ZMYND8: variants seen among roughly 807,000 people sequenced by gnomAD.
ZMYND8 encodes zinc finger MYND-type containing 8.
A neutral mutation model predicts 140.8 loss-of-function variants in ZMYND8; 37 were observed. The observed-to-expected ratio is 0.26, with a 90% CI of 0.20 to 0.35. ZMYND8 has a LOEUF of 0.35. Among genes scored for constraint, ZMYND8 ranks in the 10% least tolerant of loss-of-function variants. The probability of loss-of-function intolerance (pLI) is 1.00; values close to 1 mark genes in which losing one functional copy is unlikely to be tolerated. For synonymous variants in ZMYND8, 592 were observed against 597.1 expected, an observed-to-expected ratio of 0.99 and a Z score of 0.12; for missense variants, 1,068 against 1,570.0, an observed-to-expected ratio of 0.68 and a Z score of 5.40.
chr20:47,229,087 C>G (rs2147052705), intron 17 of ZMYND8, among the ~76,000 whole-genome samples: 1 of 151,768 alleles, frequency 6.6e-6, no homozygotes, highest in South Asian at 2.1e-4. Context: ...CCTCAAACTC[C>G]TGGGCTCAGG....
In ZMYND8 at chr20:47,301,803, T is replaced by C. The variant is rs2078067282; in HGVS notation, c.235-2856A>G. 2.6e-5 allele frequency among the ~76,000 whole-genome samples: 4 copies of C among 152,296 alleles called. No homozygotes were observed. The South Asian group carries it at 6.2e-4, about 24-fold the overall frequency. On this transcript the variant is annotated intron_variant, in intron 3 of 22. Transcript: ENST00000471951. ...TAAGGTATGTGATATGGTTTGGCTGTGTCCCCACCCAAATCTCATCTTGAA... is the reference window on the plus strand; with the variant it reads ...TAAGGTATGTGATATGGTTTGGCTGCGTCCCCACCCAAATCTCATCTTGAA...
chr20:47,246,607 G>GGAA lies in ZMYND8; in HGVS notation c.1775-93_1775-91dup. 4 of 1,484,044 alleles carry GGAA rather than the reference G, an allele frequency of 2.7e-6. No individual in the cohort carries two copies. In the South Asian group the frequency reaches 5.5e-5, roughly 20 times the overall value. 91.9% of individuals were successfully genotyped at this position (1,484,044 alleles called of 1,614,324 possible). ...CAAACATTTTTCCACACCAAATGCT[G>GGAA]GAATAAGAAAAGCACGTTTCAAATC... On this transcript the variant is annotated intron_variant, in intron 13 of 22. Coordinates refer to ENST00000471951, the MANE Select transcript of ZMYND8 (RefSeq NM_001281775.3).
chr20:47,267,044 T>A (rs1411424197), intron 11 of ZMYND8, among the ~76,000 whole-genome samples: 1 of 152,118 alleles, frequency 6.6e-6, no homozygotes, highest in East Asian at 1.9e-4. Flanking sequence ...ATCCCCACAA[T>A]AGAACGTTAC....
intron 2 of ZMYND8, among the ~76,000 whole-genome samples, chr20:47,346,894 C>T (rs2082378395): frequency 6.6e-6 from 1 of 152,238 alleles, no homozygotes; most frequent in Non-Finnish European, 1.5e-5. Context: ...CATGAGCCAC[C>T]ACGCCTGGCG....
chr20:47,341,405 T>C (rs950459166), intron 2 of ZMYND8, among the ~76,000 whole-genome samples: 1 of 151,466 alleles, frequency 6.6e-6, no homozygotes, highest in Admixed American at 6.6e-5. Flanking sequence ...TGCATACCTA[T>C]AGTCCCAGCT....
intron 12 of ZMYND8, among the ~76,000 whole-genome samples, chr20:47,255,785 A>ATGTG (rs200775423): frequency 8.4e-6 from 1 of 119,662 alleles, no homozygotes; most frequent in African/African-American, 3.2e-5. Context: ...ATATATTTGT[A>ATGTG]TGTGTATATA....
At chr20:47,257,398 A>G (rs552418923) in intron 12 of ZMYND8, among the ~76,000 whole-genome samples, 15 of 151,940 alleles carry the variant, frequency 9.9e-5, no homozygotes, top group Non-Finnish European at 1.5e-4. Flanking sequence ...CCATATACAC[A>G]TTTACCATAT....
At chr20:47,272,894 T>C (rs906319344) in intron 11 of ZMYND8, among the ~76,000 whole-genome samples, 1 of 152,234 alleles carries the variant, frequency 6.6e-6, no homozygotes, top group Non-Finnish European at 1.5e-5. Flanking sequence ...ACTACTGTCT[T>C]ATCTCAATTA....
At chr20:47,333,665 G>A (rs1388215486) in intron 2 of ZMYND8, among the ~76,000 whole-genome samples, 2 of 135,760 alleles carry the variant, frequency 1.5e-5, no homozygotes, top group Non-Finnish European at 3.1e-5. Context: ...GGCAAAGGTT[G>A]CAGTGACACG....
At position 47,276,445 on chromosome 20, in the gene ZMYND8, G is replaced by A. The variant is rs1168487811; in HGVS notation, c.1349C>T (p.Pro450Leu). The A allele has an allele frequency of 1.2e-6, 2 of 1,614,132 alleles. No individual in the cohort carries two copies. The highest frequency in any genetic ancestry group is 1.1e-5 in the South Asian group (1 of 91,086). ...TGRRISLSDM[P>L]RSPMSTNSSV... is the part of the protein sequence containing the mutation. ...AGAGTTTGTGCTCATGGGGGAGCGC[G>A]GCATATCCGACAAGGAAATCCGGCG... The change falls in exon 11 of 23, where the codon CCG (proline) becomes CTG (leucine). Residue 450 changes from proline (P) to leucine (L), a missense_variant. By Grantham distance (98) the Pro-to-Leu change is moderately conservative. Around this residue, in one of 10 missense-constraint regions of ZMYND8, gnomAD observed 173 missense variants for 223.3 expected, o/e 0.77. Coordinates refer to ENST00000471951, the MANE Select transcript of ZMYND8 (RefSeq NM_001281775.3).
chr20:47,325,358 A>G (rs1361068031), intron 2 of ZMYND8, among the ~76,000 whole-genome samples: 4 of 152,130 alleles, frequency 2.6e-5, no homozygotes, highest in South Asian at 2.1e-4. Context: ...GAAGTACCCC[A>G]AAGTACATAT....
chr20:47,296,260 C>T (rs2077628181), intron 4 of ZMYND8, among the ~76,000 whole-genome samples: 2 of 152,166 alleles, frequency 1.3e-5, no homozygotes, highest in African/African-American at 4.8e-5. Flanking sequence ...CCCTCTCACC[C>T]CCCACTCCTT....
At chr20:47,349,029 G>C (rs2082564503) in intron 1 of ZMYND8, 1 of 152,154 alleles carries the variant, frequency 6.6e-6, no homozygotes, top group Admixed American at 6.5e-5. Flanking sequence ...AAGGAGGCTG[G>C]GGAAGAGAGA....
At chr20:47,267,496 CGGG>C (rs57088437) in intron 11 of ZMYND8, among the ~76,000 whole-genome samples, 1 of 86,522 alleles carries the variant, frequency 1.2e-5, no homozygotes, top group African/African-American at 3.1e-5. Context: ...AGGGCCGGGG[CGGG>C]GGGGGGGCAA....
chr20:47,249,595 A>C (rs986299308), intron 12 of ZMYND8, among the ~76,000 whole-genome samples, 156 bp from the exon 13 acceptor site: 3 of 152,232 alleles, frequency 2.0e-5, no homozygotes, highest in Non-Finnish European at 4.4e-5. Flanking sequence ...CATCTGCTCA[A>C]CCAAATGGGG....
intron 21 of ZMYND8, among the ~76,000 whole-genome samples, chr20:47,215,300 G>T (rs1380917744): frequency 6.6e-6 from 1 of 152,108 alleles, no homozygotes; most frequent in Non-Finnish European, 1.5e-5. Context: ...TTGAACCTGG[G>T]AAGCAGAGGT....
At position 47,352,755 on chromosome 20, in the gene ZMYND8, C is replaced by T. The variant is rs545253035; in HGVS notation, c.14+3902G>A. 13 of 155,548 alleles carry T rather than the reference C, an allele frequency of 8.4e-5. No individual in the cohort carries two copies. The East Asian group carries it at 1.9e-3, about 23-fold the overall frequency. 9.6% of individuals were successfully genotyped at this position (155,548 alleles called of 1,614,324 possible). A position where few individuals can be genotyped will look rare whatever the true frequency, so the allele number is the denominator to read the frequency against. On this transcript the variant is annotated intron_variant, in intron 1 of 22. Transcript: ENST00000471951. The stretch of plus-strand genomic sequence containing the variant: ...CCCGCCGGCCGGTAGGTAAGGTAAT[C>T]GGGATGGGGGGGACAGGCTGGCAGC...
intron 2 of ZMYND8, among the ~76,000 whole-genome samples, chr20:47,312,880 C>A (rs2079048863): frequency 1.3e-5 from 2 of 152,160 alleles, no homozygotes; most frequent in East Asian, 1.9e-4. Flanking sequence ...TGGGTCCTCA[C>A]CCGACTCTCG....
At chr20:47,306,246 C>G (rs1259711114) in intron 3 of ZMYND8, among the ~76,000 whole-genome samples, 1 of 151,838 alleles carries the variant, frequency 6.6e-6, no homozygotes, top group Admixed American at 6.6e-5. Flanking sequence ...ATAAAAAAAA[C>G]TAGCCGGGTG....
Sources: allele counts gnomAD v4.1 joint callset (sites outside exome capture counted in the v4.1 genomes callset), GRCh38; gene constraint gnomAD v4.1.1; regional missense constraint gnomAD v4.1.1; transcripts MANE v1.5; gene names NCBI Gene and HGNC (gene_info 2026-07-23, HGNC 2026-07-21).